TMEM245: variants seen among roughly 807,000 people sequenced by gnomAD.
TMEM245 encodes transmembrane protein 245.
Under a neutral mutation model 101.2 loss-of-function variants are expected in TMEM245, and 69 were observed. The ratio of observed to expected loss-of-function variants is 0.68; its 90% confidence interval spans 0.56 to 0.83. TMEM245 has a LOEUF of 0.83. TMEM245 is among the 40% of genes least tolerant of loss of function. TMEM245 has a pLI of 0.00. For synonymous variants in TMEM245, 537 were observed against 449.8 expected (o/e 1.19, Z -2.45); for missense variants, 1,075 against 1,092.8 (o/e 0.98, Z 0.23).
chr9:109,029,398 A>C (rs1827884917), intron 17 of TMEM245, among the ~76,000 whole-genome samples: 1 of 152,220 alleles, frequency 6.6e-6, no homozygotes, highest in Non-Finnish European at 1.5e-5. Context: ...ATATGTCTTC[A>C]AACAGTCAAA....
rs767890318 is a variant in TMEM245, at chr9:109,119,875, C to G, written c.39G>C (p.Leu13=). 6 of 1,314,682 alleles carry G rather than the reference C, an allele frequency of 4.6e-6. No individual in the cohort carries two copies. In the East Asian group the frequency reaches 1.6e-4, roughly 34 times the overall value. The allele number at this position is 1,314,682 out of a possible 1,614,324, so 81.4% of individuals were successfully genotyped here. A position where few individuals can be genotyped will look rare whatever the true frequency, so the allele number is the denominator to read the frequency against. ...GCGGCGCCGGCCCGGGAGAGCTCCGCAGGCTTGGCGCGTCCTTAGGGCCGC... is the reference window on the plus strand; with the variant it reads ...GCGGCGCCGGCCCGGGAGAGCTCCGGAGGCTTGGCGCGTCCTTAGGGCCGC... ...DGGGPKDAPS[L]RSSPGPAPRV... The change falls in exon 1 of 18, where the codon CTG becomes CTC. Residue 13 remains leucine (L), a synonymous_variant. Coordinates refer to ENST00000374586, the MANE Select transcript of TMEM245 (RefSeq NM_032012.4).
chr9:109,070,836 C>G (rs558141119), intron 9 of TMEM245, among the ~76,000 whole-genome samples: 11 of 152,266 alleles, frequency 7.2e-5, no homozygotes, highest in African/African-American at 2.4e-4. Flanking sequence ...TAAATGAAAT[C>G]GTACCATTTG....
rs1214839123 is a variant in TMEM245 at position 109,036,249 on chromosome 9, G to T, written c.2356C>A (p.Pro786Thr). The T allele has an allele frequency of 1.2e-6, 2 of 1,613,306 alleles. No homozygotes were observed. Among genetic ancestry groups the T allele is most frequent in the Non-Finnish European group, 1.7e-6 (2 of 1,179,900 alleles). Residue 786 changes from proline to threonine, a missense_variant, in exon 16 of 18, where the codon CCA becomes ACA. Coordinates refer to ENST00000374586, the MANE Select transcript of TMEM245 (RefSeq NM_032012.4). Reference sequence around the variant, plus strand: ...ATTGCAGTATCTACAAAGTATGTTGGCAAGAGATGAAAAATCAACAGTAAA... The same window carrying T: ...ATTGCAGTATCTACAAAGTATGTTGTCAAGAGATGAAAAATCAACAGTAAA... ...AILLLIFHLL[P>T]TYFVDTAIYS...
At chr9:109,113,030 C>T (rs1830610771) in intron 1 of TMEM245, among the ~76,000 whole-genome samples, 1 of 152,046 alleles carries the variant, frequency 6.6e-6, no homozygotes, top group Non-Finnish European at 1.5e-5. Context: ...GAGCCAAGAT[C>T]GAGCCACTGC....
intron 1 of TMEM245, among the ~76,000 whole-genome samples, chr9:109,113,982 A>G (rs956347071): frequency 5.3e-5 from 8 of 152,180 alleles, no homozygotes; most frequent in African/African-American, 1.9e-4. Flanking sequence ...AGGCTGAGGC[A>G]GGAGAATCAC....
In TMEM245 at chr9:109,015,152, T is replaced by C. The variant is rs138442320; in HGVS notation, c.*5308A>G. The C allele has an allele frequency of 6.6e-6, 1 of 152,182 alleles. No individual in the cohort carries two copies. Among genetic ancestry groups the C allele is most frequent in the Non-Finnish European group, 1.5e-5 (1 of 68,046 alleles). The allele number at this position is 152,182 out of a possible 1,614,324, so 9.4% of individuals were successfully genotyped here. ...ACAGGAGATTAAGTTTACCACATGATTCATTCAACACTAGTAATTTTATTT... is the reference window on the plus strand; with the variant it reads ...ACAGGAGATTAAGTTTACCACATGACTCATTCAACACTAGTAATTTTATTT... On this transcript the variant is annotated 3_prime_UTR_variant, in exon 18 of 18. Transcript: ENST00000374586.
rs1396215834 is a variant in TMEM245, at chr9:109,073,391, A to C, written c.1497T>G (p.Ile499Met). 1.2e-6 allele frequency: 2 copies of C among 1,613,118 alleles called. No individual in the cohort carries two copies. Among genetic ancestry groups the C allele is most frequent in the Non-Finnish European group, 1.7e-6 (2 of 1,179,640 alleles). The change falls in exon 9 of 18, where the codon ATT becomes ATG. Residue 499 changes from isoleucine (I) to methionine (M), a missense_variant. By Grantham distance (10) the Ile-to-Met change is conservative. This residue lies in a region of TMEM245 where 808 missense variants were observed against 741.5 expected (regional missense o/e 1.09). Transcript: ENST00000374586. ...CAGGGTGATTTGCTAGAGTTTCATT[A>C]ATCAAATTACTTGTGACTTCAATCA... ...VHMIEVTSNL[I>M]NETLANHPEW...
chr9:109,117,205 G>A (rs1830747062), intron 1 of TMEM245, among the ~76,000 whole-genome samples: 2 of 151,722 alleles, frequency 1.3e-5, no homozygotes. Context: ...TGCCTCCCGG[G>A]TTCAAGTGAT....
chr9:109,063,502 A>C (rs1471269709), intron 10 of TMEM245, among the ~76,000 whole-genome samples: 1 of 152,188 alleles, frequency 6.6e-6, no homozygotes, highest in African/African-American at 2.4e-5. Context: ...ATATGGAATC[A>C]CATACTAATA....
chr9:109,019,613 G>C lies in TMEM245; in HGVS notation c.*847C>G, dbSNP rs1043882773. The C allele has an allele frequency of 5.3e-5, 8 of 152,324 alleles. No homozygotes were observed. Among genetic ancestry groups the C allele is most frequent in the Non-Finnish European group, 1.2e-4 (8 of 68,042 alleles). The allele number at this position is 152,324 out of a possible 1,614,324, so 9.4% of individuals were successfully genotyped here. A position where few individuals can be genotyped will look rare whatever the true frequency, so the allele number is the denominator to read the frequency against. On this transcript the variant is annotated 3_prime_UTR_variant, in exon 18 of 18. Coordinates refer to ENST00000374586, the MANE Select transcript of TMEM245 (RefSeq NM_032012.4). The stretch of plus-strand genomic sequence containing the variant: ...TGCTGAAAACTAACTTATTGGCAGA[G>C]TTCCAAATAATGAAACGGATACATT...
intron 8 of TMEM245, among the ~76,000 whole-genome samples, chr9:109,078,231 C>T (rs1259036801): frequency 6.6e-6 from 1 of 152,112 alleles, no homozygotes; most frequent in Non-Finnish European, 1.5e-5. Flanking sequence ...ATATACATAG[C>T]TCATCTATAT....
intron 3 of TMEM245, among the ~76,000 whole-genome samples, chr9:109,104,060 G>A (rs565798807): frequency 8.6e-5 from 13 of 151,908 alleles, no homozygotes; most frequent in African/African-American, 2.4e-4. Context: ...ACTCCAGCCC[G>A]GCCAACAGAA....
At chr9:109,060,843 C>T (rs1435094892) in intron 10 of TMEM245, among the ~76,000 whole-genome samples, 1 of 152,126 alleles carries the variant, frequency 6.6e-6, no homozygotes, top group Non-Finnish European at 1.5e-5. Context: ...AGAATTACCA[C>T]AGAATTTTAA....
In TMEM245 at chr9:109,036,189, T is replaced by C; in HGVS notation, c.2399+17A>G. The stretch of plus-strand genomic sequence containing the variant: ...GCCTGGATGATTCACTAATAAGAAA[T>C]TCTGTGGCTTACTTACCCTGATATG... On this transcript the variant is annotated intron_variant, in intron 16 of 17. Transcript: ENST00000374586. The C allele has an allele frequency of 1.3e-6, 2 of 1,543,672 alleles. No individual in the cohort carries two copies. Among genetic ancestry groups the C allele is most frequent in the Non-Finnish European group, 1.7e-6 (2 of 1,151,314 alleles).
intron 14 of TMEM245, among the ~76,000 whole-genome samples, chr9:109,045,347 C>T (rs1050397384): frequency 3.3e-5 from 5 of 152,082 alleles, no homozygotes; most frequent in East Asian, 1.9e-4. Context: ...ATGAGGGGAA[C>T]GGCCGAGCTG....
intron 7 of TMEM245, among the ~76,000 whole-genome samples, chr9:109,084,963 T>C (rs1245500855): frequency 1.3e-5 from 2 of 152,204 alleles, no homozygotes; most frequent in African/African-American, 4.8e-5. Flanking sequence ...AAAAGTCTCA[T>C]TTTGATCTAT....
chr9:109,104,740 A>G (rs148628245), intron 3 of TMEM245, among the ~76,000 whole-genome samples: 1 of 152,346 alleles, frequency 6.6e-6, no homozygotes, highest in African/African-American at 2.4e-5. Flanking sequence ...CCATATATAT[A>G]TGGTCAACTG....
At chr9:109,112,840 G>C (rs1220124366) in intron 1 of TMEM245, among the ~76,000 whole-genome samples, 2 of 152,188 alleles carry the variant, frequency 1.3e-5, no homozygotes, top group Non-Finnish European at 2.9e-5. Flanking sequence ...CACTTTGGGA[G>C]ACCAAGATGG....
rs933493709 is a variant in TMEM245, at chr9:109,017,933, C to T, written c.*2527G>A. Reference sequence around the variant, plus strand: ...TAGTGGACCTTCCTAGTCCTTATGCCGTTGCTGTAGCAATGGGGCAGGTCA... The same window carrying T: ...TAGTGGACCTTCCTAGTCCTTATGCTGTTGCTGTAGCAATGGGGCAGGTCA... On this transcript the variant is annotated 3_prime_UTR_variant, in exon 18 of 18. Coordinates refer to ENST00000374586, the MANE Select transcript of TMEM245 (RefSeq NM_032012.4). The T allele has an allele frequency of 4.6e-5, 7 of 152,270 alleles. No homozygotes were observed. The highest frequency in any genetic ancestry group is 3.4e-3 in the Middle Eastern group (1 of 294). 9.4% of individuals were successfully genotyped at this position (152,270 alleles called of 1,614,324 possible).
Sources: gnomAD v4.1 joint callset for allele counts (sites outside exome capture counted in the v4.1 genomes callset) on GRCh38, gnomAD v4.1.1 for gene constraint, gnomAD v4.1.1 regional missense constraint, MANE v1.5 for transcripts, NCBI Gene and HGNC (gene_info 2026-07-23, HGNC 2026-07-21) for gene names.